BNIP1: variants seen among roughly 807,000 people sequenced by gnomAD.
BNIP1 encodes the protein BCL2 interacting protein 1.
A neutral mutation model predicts 28.5 loss-of-function variants in BNIP1; 25 were observed. The observed-to-expected ratio is 0.88, with a 90% confidence interval of 0.64 to 1.23. BNIP1 has a LOEUF of 1.23. Ranked by LOEUF, BNIP1 falls within the 50% of genes most tolerant of loss-of-function variation. The pLI, the probability that BNIP1 is intolerant of heterozygous loss-of-function variation, is 0.00. For synonymous variants in BNIP1, 118 were observed against 101.7 expected, an observed-to-expected ratio of 1.16 and a Z score of -0.96; for missense variants, 276 against 277.0, an observed-to-expected ratio of 1.00 and a Z score of 0.02.
chr5:173,158,712 GAC>G, intron 3 of BNIP1, 30 bp from the exon 4 acceptor site: 1 of 1,553,060 alleles, frequency 6.4e-7, no homozygotes, highest in Non-Finnish European at 8.9e-7. Context: ...TGGTGGAGTG[GAC>G]ACACTCACAC....
chr5:173,149,856 C>T (rs978178321), intron 2 of BNIP1, among the ~76,000 whole-genome samples: 24 of 152,024 alleles, frequency 1.6e-4, no homozygotes, highest in African/African-American at 5.8e-4. Context: ...GGGATCCACC[C>T]CCATGATCCA....
chr5:173,144,613 T>G lies in BNIP1; in HGVS notation c.68T>G (p.Val23Gly). 13 of 1,613,984 alleles carry G rather than the reference T, an allele frequency of 8.1e-6. No individual in the cohort carries two copies. Among genetic ancestry groups the G allele is most frequent in the Non-Finnish European group, 1.1e-5 (13 of 1,179,970 alleles). ...NQEIVKFDLEVKALIQDIRDC... is the reference protein window; with the variant it reads ...NQEIVKFDLEGKALIQDIRDC... ...GAGATTGTCAAATTTGACCTGGAGG[T>G]GAAGGCGCTTATTCAGGTACTGATC... is the stretch of plus-strand genomic sequence containing the variant. Residue 23 changes from valine to glycine, a missense_variant, in exon 1 of 6, where the codon GTG becomes GGG. Transcript: ENST00000351486.
intron 2 of BNIP1, among the ~76,000 whole-genome samples, 176 bp downstream of exon 2, chr5:173,147,134 C>T (rs963116571): frequency 5.9e-5 from 9 of 152,096 alleles, no homozygotes; most frequent in Admixed American, 1.3e-4. Flanking sequence ...TGGCCGGGCA[C>T]GGTGGCTCAC....
At position 173,164,010 on chromosome 5, in the gene BNIP1, A is replaced by T. The variant is rs1561601418; in HGVS notation, c.*89A>T. ...GCTCTAGGCTGCTAAGCTGAGCCAC[A>T]CACCCCTCCGTTTGCACCAGTTGCC... On this transcript the variant is annotated 3_prime_UTR_variant, in exon 6 of 6. Coordinates refer to ENST00000351486, the MANE Select transcript of BNIP1 (RefSeq NM_001205.3). This position sits in a 1 kb window ranked among gnomAD's most constrained non-coding sequence, Gnocchi z 4.0. 7 of 1,329,000 alleles carry T rather than the reference A, an allele frequency of 5.3e-6. No individual in the cohort carries two copies. In the East Asian group the frequency reaches 7.4e-5, roughly 14 times the overall value. The allele number at this position is 1,329,000 out of a possible 1,614,324, so 82.3% of individuals were successfully genotyped here.
At chr5:173,151,468 G>A (rs1451882409) in intron 2 of BNIP1, 1 of 1,255,302 alleles carries the variant, frequency 8.0e-7, no homozygotes, top group Non-Finnish European at 1.1e-6. Context: ...GTGATTGCCT[G>A]CCTCAGCCTT....
chr5:173,160,538 T>C (rs574968348), intron 5 of BNIP1, among the ~76,000 whole-genome samples: 1 of 152,228 alleles, frequency 6.6e-6, no homozygotes, highest in Admixed American at 6.5e-5. Flanking sequence ...CCGGCCCGTA[T>C]TTCTGTTTAC....
At chr5:173,159,335 G>A (rs255300) in intron 4 of BNIP1, among the ~76,000 whole-genome samples, 58,356 of 151,894 alleles carry the variant, frequency 0.38, 12,010 homozygotes, top group Non-Finnish European at 0.46. Flanking sequence ...CACCATGCCC[G>A]GCCGAAAATA....
In BNIP1 at chr5:173,154,392, A is replaced by G; in HGVS notation, c.248A>G (p.Asn83Ser). Residue 83 changes from asparagine to serine, a missense_variant, in exon 3 of 6, where the codon AAT (asparagine) becomes AGT (serine). Physicochemically the swap from Asn to Ser is conservative, Grantham distance 46. Transcript: ENST00000351486. ...EKQLLLQEVENHKKQMLSNQA... is the reference protein window; with the variant it reads ...EKQLLLQEVESHKKQMLSNQA... Reference sequence around the variant, plus strand: ...CAACTTCTACTCCAGGAAGTGGAGAATCACAAAAAGCAGATGCTCAGGTAG... The same window carrying G: ...CAACTTCTACTCCAGGAAGTGGAGAGTCACAAAAAGCAGATGCTCAGGTAG... The G allele has an allele frequency of 6.2e-7, 1 of 1,613,856 alleles. No homozygotes were observed. Among genetic ancestry groups the G allele is most frequent in the South Asian group, 1.1e-5 (1 of 91,010 alleles).
At chr5:173,153,059 C>A (rs59973529) in intron 2 of BNIP1, among the ~76,000 whole-genome samples, 1 of 151,742 alleles carries the variant, frequency 6.6e-6, no homozygotes, top group South Asian at 2.1e-4. Context: ...TGTCTGCTGA[C>A]CCTAACTTAT....
rs1238620498 is a variant in BNIP1 at position 173,148,119 on chromosome 5, T to A, written c.177+1161T>A. ...ATATATATATATATATATATATATA[T>A]ATATATATATATATATATTTTAATA... is the stretch of plus-strand genomic sequence containing the variant. On this transcript the variant is annotated intron_variant, in intron 2 of 5. Coordinates refer to ENST00000351486, the MANE Select transcript of BNIP1 (RefSeq NM_001205.3). 3.0e-3 allele frequency among the ~76,000 whole-genome samples: 289 copies of A among 96,398 alleles called. 8 individuals are homozygous for A. Among genetic ancestry groups the A allele is most frequent in the Middle Eastern group, 5.9e-3 (1 of 170 alleles). 63.2% of individuals were successfully genotyped at this position (96,398 alleles called of 152,430 possible).
rs771482065 is a variant in BNIP1, at chr5:173,159,884, G to C, written c.372-49G>C. On this transcript the variant is annotated intron_variant, in intron 4 of 5. Transcript: ENST00000351486. ...ATTTGGATGTGGGGCCTTCTTGCAG[G>C]GAGGCTTTTGTTGACATTCCTCCCC... The C allele has an allele frequency of 8.5e-6, 13 of 1,522,814 alleles. No homozygotes were observed. The East Asian group carries it at 2.9e-4, about 34-fold the overall frequency. The allele number at this position is 1,522,814 out of a possible 1,614,324, so 94.3% of individuals were successfully genotyped here. A position where few individuals can be genotyped will look rare whatever the true frequency, so the allele number is the denominator to read the frequency against.
Position 173,154,313 on chromosome 5 carries a change from T to A in BNIP1, c.178-9T>A. The A allele has an allele frequency of 6.2e-7, 1 of 1,607,940 alleles. No homozygotes were observed. ...AATCATTTTAACATGGAATTATTTT[T>A]CCTCAAAGGACCTGGAGCAGTTGGC... is the stretch of plus-strand genomic sequence containing the variant. On this transcript the variant is annotated splice_polypyrimidine_tract_variant and intron_variant, in intron 2 of 5. Coordinates refer to ENST00000351486, the MANE Select transcript of BNIP1 (RefSeq NM_001205.3).
intron 5 of BNIP1, chr5:173,161,105 T>C (rs1051010799): frequency 3.9e-6 from 1 of 258,580 alleles, no homozygotes; most frequent in Non-Finnish European, 8.0e-6. Context: ...CCTCAGCCCA[T>C]CCCCCATCTG....
chr5:173,154,559 A>G (rs1044035108), intron 3 of BNIP1, 146 bp downstream of exon 3: 34 of 631,444 alleles, frequency 5.4e-5, no homozygotes, highest in Middle Eastern at 4.6e-4. Context: ...GTCTCGCTCT[A>G]TTGCCCAGGC....
At chr5:173,145,935 C>A (rs1759822844) in intron 1 of BNIP1, among the ~76,000 whole-genome samples, 1 of 152,246 alleles carries the variant, frequency 6.6e-6, no homozygotes, top group Non-Finnish European at 1.5e-5. Context: ...TTTAAAACTT[C>A]TTGAACTTCA....
intron 2 of BNIP1, among the ~76,000 whole-genome samples, chr5:173,153,926 T>C (rs974924330): frequency 2.6e-5 from 4 of 152,188 alleles, no homozygotes; most frequent in Admixed American, 2.6e-4. Context: ...ATTGTGAGTA[T>C]CTGGAAATGA....
intron 2 of BNIP1, among the ~76,000 whole-genome samples, chr5:173,149,701 A>G (rs571273178): frequency 1.3e-5 from 2 of 152,308 alleles, no homozygotes; most frequent in African/African-American, 4.8e-5. Context: ...GCATAGCAGT[A>G]TCTGCTTCTG....
chr5:173,151,546 A>ATTTT, intron 2 of BNIP1: 46 of 1,441,150 alleles, frequency 3.2e-5, no homozygotes, highest in South Asian at 1.3e-4. Flanking sequence ...AATAACTGTC[A>ATTTT]TTTTTTTTTT....
At chr5:173,146,752 T>G in intron 1 of BNIP1, 114 bp from the exon 2 acceptor site, 1 of 666,004 alleles carries the variant, frequency 1.5e-6, no homozygotes. Flanking sequence ...TCAGGATGAA[T>G]TATAGTTAGT....
Sources: allele counts gnomAD v4.1 joint callset (sites outside exome capture counted in the v4.1 genomes callset), GRCh38; gene constraint gnomAD v4.1.1; non-coding constraint Gnocchi (gnomAD v3.1); transcripts MANE v1.5; gene names NCBI Gene and HGNC (gene_info 2026-07-23, HGNC 2026-07-21).